PGBD2: variants seen among roughly 807,000 people sequenced by gnomAD.
PGBD2 encodes the protein piggyBac transposable element derived 2.
In PGBD2, 6 loss-of-function variants were observed where a neutral mutation model predicts 8.1. The ratio of observed to expected loss-of-function variants is 0.74; its 90% CI spans 0.40 to 1.46. The LOEUF (loss-of-function observed/expected upper bound fraction) is 1.46, where lower values mean the gene tolerates loss of function less well. PGBD2 is among the 40% of genes most tolerant of loss of function. The pLI is 0.02. For missense variants in PGBD2, 802 were observed against 739.0 expected (o/e 1.09, Z -0.99); for synonymous variants, 318 against 272.2 (o/e 1.17, Z -1.66).
chr1:248,897,708 G>A, the PGBD2 span, among the ~76,000 whole-genome samples: 1 of 152,156 alleles, frequency 6.6e-6, no homozygotes, highest in African/African-American at 2.4e-5. Context: ...GAAGGGGGCT[G>A]AAGCCAGGAA....
At chr1:248,894,664 TTC>T in the PGBD2 span, among the ~76,000 whole-genome samples, 48 of 151,176 alleles carry the variant, frequency 3.2e-4, no homozygotes, top group Non-Finnish European at 3.4e-4. Flanking sequence ...TTCTTTTTTC[TTC>T]TTTTTCCCTT....
intron 1 of PGBD2, among the ~76,000 whole-genome samples, chr1:248,910,346 G>T (rs1661822700): frequency 6.6e-6 from 1 of 152,210 alleles, no homozygotes; most frequent in African/African-American, 2.4e-5. Context: ...AATTGCAGGT[G>T]AGGGGTTTTG....
intron 1 of PGBD2, among the ~76,000 whole-genome samples, chr1:248,911,852 C>T (rs1041489473): frequency 2.0e-5 from 3 of 151,786 alleles, no homozygotes; most frequent in Admixed American, 2.0e-4. Context: ...CACTAACTGC[C>T]ACTGTTCTGG....
the PGBD2 span, among the ~76,000 whole-genome samples, chr1:248,880,080 TG>T: frequency 6.6e-6 from 1 of 152,186 alleles, no homozygotes; most frequent in African/African-American, 2.4e-5. Context: ...ATAAACCAGG[TG>T]TTTGGCAAGA....
intron 1 of PGBD2, chr1:248,912,644 T>C (rs969779927): frequency 1.3e-5 from 2 of 152,148 alleles, no homozygotes; most frequent in Non-Finnish European, 2.9e-5. Flanking sequence ...CCTCCCAGAT[T>C]TAACACATAT....
chr1:248,903,852 A>T (rs1454585540), upstream of PGBD2, among the ~76,000 whole-genome samples: 2 of 152,188 alleles, frequency 1.3e-5, no homozygotes, highest in Non-Finnish European at 2.9e-5. Context: ...GGCTGTCAAA[A>T]ACTTTAATGT....
the PGBD2 span, among the ~76,000 whole-genome samples, chr1:248,888,328 C>G: frequency 6.6e-6 from 1 of 152,184 alleles, no homozygotes; most frequent in African/African-American, 2.4e-5. Context: ...GAGAAATCTC[C>G]TAACTGCTTT....
the PGBD2 span, among the ~76,000 whole-genome samples, chr1:248,894,294 T>G: frequency 6.6e-6 from 1 of 152,308 alleles, no homozygotes; most frequent in South Asian, 2.1e-4. Context: ...TTGTGGTTTT[T>G]TTTGCCTGTC....
chr1:248,917,925 C>T lies in PGBD2; in HGVS notation c.1341C>T (p.Val447=), dbSNP rs760212502. The T allele has an allele frequency of 6.2e-7, 1 of 1,614,044 alleles. No homozygotes were observed. The highest frequency in any genetic ancestry group is 8.5e-7 in the Non-Finnish European group (1 of 1,180,036). The change falls in exon 3 of 3, where the codon GTC becomes GTT. Residue 447 remains valine, a synonymous_variant. Transcript: ENST00000329291. Reference sequence around the variant, plus strand: ...GAGCAGCTAAAACGCGGACTCAGGTCCACCAGCCATCACTGGTGAAGCTGT... The same window carrying T: ...GAGCAGCTAAAACGCGGACTCAGGTTCACCAGCCATCACTGGTGAAGCTGT... The part of the protein sequence containing the change: ...HSGAAKTRTQ[V]HQPSLVKLYQ...
At chr1:248,925,484 T>C in the PGBD2 span, among the ~76,000 whole-genome samples, 1 of 152,164 alleles carries the variant, frequency 6.6e-6, no homozygotes, top group South Asian at 2.1e-4. Flanking sequence ...CGGTGGCTTT[T>C]CAGAAGATGA....
chr1:248,913,022 G>A lies in PGBD2; in HGVS notation c.-47-794G>A, dbSNP rs987716189. On this transcript the variant is annotated intron_variant, in intron 1 of 2. Transcript: ENST00000329291. ...TCTCCATGTTGGTCAGGCTGGTCTC[G>A]AACTCCCGACCTCAGGTGATCTGCC... Among the ~76,000 whole-genome samples the A allele has an allele frequency of 5.9e-5, 9 of 152,056 alleles. No homozygotes were observed. The South Asian group carries it at 1.0e-3, about 18-fold the overall frequency.
intron 2 of PGBD2, among the ~76,000 whole-genome samples, chr1:248,915,033 T>TCTGTGAGCCTTCTCTCACC (rs1662043989): frequency 6.6e-6 from 1 of 152,340 alleles, no homozygotes; most frequent in South Asian, 2.1e-4. Flanking sequence ...GGTCTCCCAC[T>TCTGTGAGCCTTCTCTCACC]CTGTGAGCCT....
chr1:248,876,116 C>A, the PGBD2 span, among the ~76,000 whole-genome samples: 2 of 151,722 alleles, frequency 1.3e-5, no homozygotes, highest in Admixed American at 1.3e-4. Context: ...TCAAGCGATT[C>A]TCCTGCCTCA....
the PGBD2 span, among the ~76,000 whole-genome samples, chr1:248,899,049 G>C: frequency 2.0e-5 from 3 of 152,144 alleles, no homozygotes; most frequent in African/African-American, 7.2e-5. Flanking sequence ...AACAAGAGGA[G>C]TTAACTATCC....
the PGBD2 span, among the ~76,000 whole-genome samples, chr1:248,897,654 G>A: frequency 6.6e-6 from 1 of 152,174 alleles, no homozygotes; most frequent in Non-Finnish European, 1.5e-5. Flanking sequence ...GCATGCTGAA[G>A]CTTGAAAATT....
At chr1:248,900,802 T>G in the PGBD2 span, among the ~76,000 whole-genome samples, 1 of 152,160 alleles carries the variant, frequency 6.6e-6, no homozygotes, top group African/African-American at 2.4e-5. Context: ...AGTTAAATTA[T>G]CTTTGTTTGC....
chr1:248,875,496 C>T, the PGBD2 span, among the ~76,000 whole-genome samples: 1 of 152,070 alleles, frequency 6.6e-6, no homozygotes, highest in Non-Finnish European at 1.5e-5. Flanking sequence ...ATGTCTTTTA[C>T]AGCTGCTTTT....
chr1:248,885,967 C>G, the PGBD2 span, among the ~76,000 whole-genome samples: 1 of 152,252 alleles, frequency 6.6e-6, no homozygotes, highest in African/African-American at 2.4e-5. Flanking sequence ...AGTGAACTTT[C>G]CTACCCTGTC....
downstream of PGBD2, among the ~76,000 whole-genome samples, chr1:248,923,312 A>G (rs1330602280): frequency 6.6e-6 from 1 of 152,142 alleles, no homozygotes; most frequent in Non-Finnish European, 1.5e-5. Context: ...TATCCCCTAT[A>G]TGCTTTCTTA....
Sources: gnomAD v4.1 joint callset for allele counts (sites outside exome capture counted in the v4.1 genomes callset) on GRCh38, gnomAD v4.1.1 for gene constraint, MANE v1.5 for transcripts, NCBI Gene and HGNC (gene_info 2026-07-23, HGNC 2026-07-21) for gene names.